The following PHF3 variants were observed in gnomAD, a reference collection of about 807,000 sequenced individuals.
The protein encoded by PHF3 is PHD finger protein 3.
A neutral mutation model predicts 178.4 loss-of-function variants in PHF3; 41 were observed. The ratio of observed to expected loss-of-function variants is 0.23; its 90% CI spans 0.18 to 0.30. The LOEUF is 0.30. PHF3 is among the 10% of genes least tolerant of loss of function. The probability of loss-of-function intolerance (pLI) is 1.00; values close to 1 mark genes in which losing one functional copy is unlikely to be tolerated. For missense variants in PHF3, 2,346 were observed against 2,398.1 expected, an observed-to-expected ratio of 0.98 and a Z score of 0.45; for synonymous variants, 842 against 800.5, an observed-to-expected ratio of 1.05 and a Z score of -0.88.
chr6:63,670,762 T>TAGA (rs1422105482), intron 2 of PHF3, among the ~76,000 whole-genome samples: 1 of 152,214 alleles, frequency 6.6e-6, no homozygotes, highest in East Asian at 1.9e-4. Context: ...GCTGCTGTTC[T>TAGA]AGCACTAGTG....
Position 63,680,181 on chromosome 6 carries a change from C to A in PHF3, c.406+20C>A. The A allele has an allele frequency of 6.4e-7, 1 of 1,573,136 alleles. No homozygotes were observed. The highest frequency in any genetic ancestry group is 1.2e-5 in the South Asian group (1 of 84,298). ...CACAAGGTAATCCTTTGAGAGAGGTCTAGCTAGAAAATTAGAGGTATAGGG... is the reference window on the plus strand; with the variant it reads ...CACAAGGTAATCCTTTGAGAGAGGTATAGCTAGAAAATTAGAGGTATAGGG... On this transcript the variant is annotated intron_variant, in intron 3 of 15. Coordinates refer to ENST00000262043, the MANE Select transcript of PHF3 (RefSeq NM_001370348.2).
intron 2 of PHF3, among the ~76,000 whole-genome samples, chr6:63,676,505 G>T (rs1766171407): frequency 6.6e-6 from 1 of 152,212 alleles, no homozygotes; most frequent in African/African-American, 2.4e-5. Flanking sequence ...TTTGGGAGAA[G>T]AGCCTTCATG....
At chr6:63,703,435 A>G (rs1324537300) in intron 10 of PHF3, 101 bp from the exon 11 acceptor site, 2 of 1,227,792 alleles carry the variant, frequency 1.6e-6, no homozygotes, top group Non-Finnish European at 2.3e-6. Context: ...CTATGGAACA[A>G]CTGCATTTTA....
At chr6:63,677,197 G>C (rs1766205517) in intron 2 of PHF3, among the ~76,000 whole-genome samples, 1 of 152,256 alleles carries the variant, frequency 6.6e-6, no homozygotes, top group African/African-American at 2.4e-5. Context: ...GGCTGGAGAA[G>C]ATACCTATGG....
At chr6:63,654,610 A>G (rs1279698138) in intron 2 of PHF3, among the ~76,000 whole-genome samples, 1 of 152,194 alleles carries the variant, frequency 6.6e-6, no homozygotes, top group Non-Finnish European at 1.5e-5. Context: ...AGATCGAAAG[A>G]GTATGACCTA....
chr6:63,720,746 C>A lies in PHF3; in HGVS notation c.*7038C>A. The A allele has an allele frequency of 6.5e-7, 1 of 1,549,942 alleles. No individual in the cohort carries two copies. The highest frequency in any genetic ancestry group is 1.2e-5 in the South Asian group (1 of 83,810). Reference sequence around the variant, plus strand: ...AAATCTCTTGAGTAACGATATTTACCTTTCTACCATATTCAAAGCCCCCTA... The same window carrying A: ...AAATCTCTTGAGTAACGATATTTACATTTCTACCATATTCAAAGCCCCCTA... On this transcript the variant is annotated 3_prime_UTR_variant, in exon 16 of 16. Coordinates refer to ENST00000262043, the MANE Select transcript of PHF3 (RefSeq NM_001370348.2).
intron 6 of PHF3, 110 bp from the exon 7 acceptor site, chr6:63,698,113 C>G: frequency 3.5e-6 from 3 of 851,850 alleles, no homozygotes; most frequent in Non-Finnish European, 5.4e-6. Context: ...GGGTTCTGAT[C>G]TTATTTCTAA....
At chr6:63,691,103 A>G (rs1179071354) in intron 4 of PHF3, among the ~76,000 whole-genome samples, 1 of 152,190 alleles carries the variant, frequency 6.6e-6, no homozygotes, top group African/African-American at 2.4e-5. Context: ...TGAACTTAAA[A>G]GTACAGAAAA....
chr6:63,707,670 A>C (rs1767750096), intron 13 of PHF3, among the ~76,000 whole-genome samples: 1 of 151,964 alleles, frequency 6.6e-6, no homozygotes, highest in Non-Finnish European at 1.5e-5. Flanking sequence ...AAAGAATTAA[A>C]AGATTGTAAA....
Position 63,681,296 on chromosome 6 carries a change from A to G in PHF3, c.406+1135A>G, listed in dbSNP as rs76119539. Among the ~76,000 whole-genome samples the G allele has an allele frequency of 3.7e-3, 557 of 152,058 alleles. 14 individuals carry two copies. In the East Asian group the frequency reaches 0.068, roughly 19 times the overall value. On this transcript the variant is annotated intron_variant, in intron 3 of 15. Coordinates refer to ENST00000262043, the MANE Select transcript of PHF3 (RefSeq NM_001370348.2). ...TGATGATATGTATTGGTTTTGGTGTATTTTGTGTATGGAGCTCAAGACACT... is the reference window on the plus strand; with the variant it reads ...TGATGATATGTATTGGTTTTGGTGTGTTTTGTGTATGGAGCTCAAGACACT...
intron 3 of PHF3, among the ~76,000 whole-genome samples, chr6:63,681,920 C>G (rs1766456687): frequency 6.6e-6 from 1 of 152,000 alleles, no homozygotes; most frequent in African/African-American, 2.4e-5. Flanking sequence ...TCTGGCTGTA[C>G]TGTTGTTTGG....
Position 63,711,366 on chromosome 6 carries a change from G to T in PHF3, c.3997+4G>T. Reference sequence around the variant, plus strand: ...CTTGTGCCTTTTGATGGACCTGGTAGGTATACGTTTTAATAATAGGATAAG... The same window carrying T: ...CTTGTGCCTTTTGATGGACCTGGTATGTATACGTTTTAATAATAGGATAAG... On this transcript the variant is annotated splice_donor_region_variant and intron_variant, in intron 15 of 15. Coordinates refer to ENST00000262043, the MANE Select transcript of PHF3 (RefSeq NM_001370348.2). The T allele has an allele frequency of 2.5e-6, 4 of 1,591,568 alleles. No homozygotes were observed. Among genetic ancestry groups the T allele is most frequent in the Non-Finnish European group, 3.4e-6 (4 of 1,168,052 alleles).
intron 2 of PHF3, among the ~76,000 whole-genome samples, chr6:63,655,073 T>C (rs1394660935): frequency 6.6e-6 from 1 of 151,808 alleles, no homozygotes; most frequent in African/African-American, 2.4e-5. Flanking sequence ...ATTATTATTA[T>C]TATTTTTGAG....
At chr6:63,655,059 A>AATT (rs747986222) in intron 2 of PHF3, among the ~76,000 whole-genome samples, 52 of 150,948 alleles carry the variant, frequency 3.4e-4, no homozygotes, top group Non-Finnish European at 1.2e-4. Context: ...ACGCCCTGCT[A>AATT]ATTATTATTA....
At chr6:63,665,504 T>G (rs1252616584) in intron 2 of PHF3, among the ~76,000 whole-genome samples, 2 of 148,046 alleles carry the variant, frequency 1.4e-5, no homozygotes, top group African/African-American at 5.0e-5. Context: ...TTTTTTTTTT[T>G]GAGACAGAGT....
At position 63,725,267 on chromosome 6, in the gene PHF3, A is replaced by T; in HGVS notation, c.*11559A>T. On this transcript the variant is annotated 3_prime_UTR_variant, in exon 16 of 16. Transcript: ENST00000262043. ...TGCATTGAATAACAGATGTAAGAAG[A>T]TGTGCTCTTGCCCTCCTATGTGTAT... Among the ~76,000 whole-genome samples, 1 of 152,062 alleles carries T rather than the reference A, an allele frequency of 6.6e-6. No homozygotes were observed. Among genetic ancestry groups the T allele is most frequent in the Non-Finnish European group, 1.5e-5 (1 of 67,944 alleles).
intron 1 of PHF3, among the ~76,000 whole-genome samples, chr6:63,641,213 G>T (rs188447625): frequency 5.0e-4 from 76 of 152,292 alleles, no homozygotes; most frequent in Middle Eastern, 3.4e-3. Context: ...GTACTTCTGG[G>T]TCTTTGTCTG....
At chr6:63,708,628 C>T (rs1767794571) in intron 13 of PHF3, among the ~76,000 whole-genome samples, 1 of 152,108 alleles carries the variant, frequency 6.6e-6, no homozygotes, top group South Asian at 2.1e-4. Context: ...TAATTGCTTT[C>T]ATGTGTAGTC....
chr6:63,659,025 A>T (rs367877580), intron 2 of PHF3, among the ~76,000 whole-genome samples: 1 of 152,130 alleles, frequency 6.6e-6, no homozygotes, highest in South Asian at 2.1e-4. Context: ...TTTTTACTCA[A>T]GTCTTTTGGT....
Sources: allele counts gnomAD v4.1 joint callset (sites outside exome capture counted in the v4.1 genomes callset), GRCh38; gene constraint gnomAD v4.1.1; transcripts MANE v1.5; gene names NCBI Gene and HGNC (gene_info 2026-07-23, HGNC 2026-07-21).